Variants in ANGPT2 observed in about 807,000 individuals in gnomAD.
The protein encoded by ANGPT2 is angiopoietin 2.
Under a neutral mutation model 62.9 loss-of-function variants are expected in ANGPT2, and 28 were observed. The ratio of observed to expected loss-of-function variants is 0.44; its 90% CI spans 0.33 to 0.61. The LOEUF (loss-of-function observed/expected upper bound fraction) is 0.61, where lower values mean the gene tolerates loss of function less well. ANGPT2 is among the 20% of genes least tolerant of loss of function. The probability of loss-of-function intolerance (pLI) is 0.03; values close to 1 mark genes in which losing one functional copy is unlikely to be tolerated. For missense variants in ANGPT2, 727 were observed against 594.9 expected (o/e 1.22, Z -2.31); for synonymous variants, 284 against 207.8 (o/e 1.37, Z -3.15).
chr8:6,534,582 T>C lies in ANGPT2; in HGVS notation c.289-2095A>G, dbSNP rs538042749. On this transcript the variant is annotated intron_variant, in intron 1 of 8. Transcript: ENST00000629816. ...GCACATCTGGCTGAAGCCTTAGTTT[T>C]CCATATGAACCAAAACAGAGTAGAC... 3.3e-5 allele frequency among the ~76,000 whole-genome samples: 5 copies of C among 152,270 alleles called. No individual in the cohort carries two copies. In the East Asian group the frequency reaches 9.6e-4, roughly 29 times the overall value.
chr8:6,519,277 C>A (rs1425076624), intron 5 of ANGPT2, among the ~76,000 whole-genome samples: 1 of 152,148 alleles, frequency 6.6e-6, no homozygotes, highest in African/African-American at 2.4e-5. Flanking sequence ...GATGCTAAGA[C>A]ACCACCGGTC....
intron 1 of ANGPT2, among the ~76,000 whole-genome samples, chr8:6,534,008 G>A (rs1329117167): frequency 2.6e-5 from 4 of 151,880 alleles, no homozygotes; most frequent in African/African-American, 7.3e-5. Context: ...ATGCCCCCTC[G>A]CCATCGACTC....
intron 5 of ANGPT2, 22 bp from the exon 6 acceptor site, chr8:6,514,800 A>G (rs376772420): frequency 1.9e-5 from 31 of 1,600,152 alleles, no homozygotes; most frequent in African/African-American, 4.0e-5. Flanking sequence ...AATGCAGGGT[A>G]TAAGTGACAG....
At chr8:6,562,613 C>T (rs1351687040) in intron 1 of ANGPT2, 34 bp downstream of exon 1, 14 of 1,168,520 alleles carry the variant, frequency 1.2e-5, no homozygotes, top group Non-Finnish European at 1.6e-5. Context: ...ATCTTAATAG[C>T]ATGTTCACAA....
At chr8:6,518,911 G>T (rs948440600) in intron 5 of ANGPT2, among the ~76,000 whole-genome samples, 2 of 147,612 alleles carry the variant, frequency 1.4e-5, no homozygotes, top group African/African-American at 5.0e-5. Flanking sequence ...CTCCGGAAGG[G>T]TTTTTTTTTT....
Position 6,499,845 on chromosome 8 carries a change from C to G in ANGPT2, c.*3256G>C. 1 of 1,612,508 alleles carries G rather than the reference C, an allele frequency of 6.2e-7. No homozygotes were observed. Among genetic ancestry groups the G allele is most frequent in the Non-Finnish European group, 8.5e-7 (1 of 1,179,558 alleles). On this transcript the variant is annotated 3_prime_UTR_variant, in exon 9 of 9. Coordinates refer to ENST00000629816, the MANE Select transcript of ANGPT2 (RefSeq NM_001118887.2). ...TATAATAAATCTGCTTGTTGTGTCA[C>G]TTGCAGGTGCTATGGTCTTTAGAAT...
Position 6,513,860 on chromosome 8 carries a change from T to A in ANGPT2, c.1030-16A>T. 1.3e-6 allele frequency: 2 copies of A among 1,589,200 alleles called. No individual in the cohort carries two copies. Among genetic ancestry groups the A allele is most frequent in the African/African-American group, 1.4e-5 (1 of 73,570 alleles). On this transcript the variant is annotated splice_polypyrimidine_tract_variant and intron_variant, in intron 6 of 8. Transcript: ENST00000629816. Reference sequence around the variant, plus strand: ...TACCAAATCCCTGTAATGCAAGTTGTTAAATTCAATTATTTCATGTAATTT... The same window carrying A: ...TACCAAATCCCTGTAATGCAAGTTGATAAATTCAATTATTTCATGTAATTT...
rs780893595 is a variant in ANGPT2, at chr8:6,513,646, T to C, written c.1196+32A>G. 8.8e-6 allele frequency: 14 copies of C among 1,584,800 alleles called. 1 individual carries two copies. The South Asian group carries it at 1.4e-4, about 16-fold the overall frequency. On this transcript the variant is annotated intron_variant, in intron 7 of 8. Coordinates refer to ENST00000629816, the MANE Select transcript of ANGPT2 (RefSeq NM_001118887.2). ...CCGTGCCCGGCCACAAATCTTTTAA[T>C]TTTTTCTTTCAATTACCATGAACTC... is the stretch of plus-strand genomic sequence containing the variant.
At chr8:6,511,691 A>G (rs978513908) in intron 7 of ANGPT2, among the ~76,000 whole-genome samples, 4 of 152,166 alleles carry the variant, frequency 2.6e-5, no homozygotes, top group African/African-American at 9.7e-5. Flanking sequence ...TGTAATATCT[A>G]TTTTATCTTG....
At chr8:6,518,891 T>C (rs542439759) in intron 5 of ANGPT2, among the ~76,000 whole-genome samples, 2 of 152,306 alleles carry the variant, frequency 1.3e-5, no homozygotes, top group East Asian at 3.9e-4. Flanking sequence ...AGAAGCCACA[T>C]TGAAATATTC....
chr8:6,553,021 T>A (rs907384060), intron 1 of ANGPT2, among the ~76,000 whole-genome samples: 1 of 152,182 alleles, frequency 6.6e-6, no homozygotes, highest in African/African-American at 2.4e-5. Flanking sequence ...TGTGTGATGC[T>A]ACAATGGTGG....
At chr8:6,506,778 C>CTT (rs552063597) in intron 8 of ANGPT2, among the ~76,000 whole-genome samples, 4 of 128,088 alleles carry the variant, frequency 3.1e-5, no homozygotes, top group East Asian at 2.3e-4. Context: ...CAGAGGATTG[C>CTT]TTTTTTTTTT....
At chr8:6,527,406 C>T (rs761442617) in intron 3 of ANGPT2, 149 bp downstream of exon 3, 35 of 904,710 alleles carry the variant, frequency 3.9e-5, no homozygotes, top group African/African-American at 1.4e-4. Flanking sequence ...TTTCTCCAAG[C>T]CCTCTCCCTT....
At chr8:6,542,915 G>C (rs924012577) in intron 1 of ANGPT2, among the ~76,000 whole-genome samples, 6 of 152,190 alleles carry the variant, frequency 3.9e-5, no homozygotes, top group Admixed American at 3.3e-4. Context: ...TAATTTTCTA[G>C]AAGACATTTT....
chr8:6,537,047 G>C (rs1820631614), intron 1 of ANGPT2, among the ~76,000 whole-genome samples: 1 of 151,388 alleles, frequency 6.6e-6, no homozygotes, highest in Non-Finnish European at 1.5e-5. Flanking sequence ...CTTGCCTTTG[G>C]AGAATGTTTC....
chr8:6,509,461 C>T (rs765528713), intron 7 of ANGPT2, among the ~76,000 whole-genome samples: 1 of 152,142 alleles, frequency 6.6e-6, no homozygotes, highest in Non-Finnish European at 1.5e-5. Context: ...CATTATTTTC[C>T]GCAGGGGGCC....
At chr8:6,551,906 C>T (rs1012037180) in intron 1 of ANGPT2, among the ~76,000 whole-genome samples, 1 of 152,184 alleles carries the variant, frequency 6.6e-6, no homozygotes, top group African/African-American at 2.4e-5. Flanking sequence ...TAAGCTACAT[C>T]TGTATGTAAT....
At chr8:6,504,168 A>G in intron 8 of ANGPT2, among the ~76,000 whole-genome samples, 1 of 151,792 alleles carries the variant, frequency 6.6e-6, no homozygotes, top group East Asian at 1.9e-4. Context: ...AATACAAAAA[A>G]TTAGCCGGGC....
At chr8:6,517,943 C>T (rs1816587649) in intron 5 of ANGPT2, among the ~76,000 whole-genome samples, 1 of 152,210 alleles carries the variant, frequency 6.6e-6, no homozygotes, top group Non-Finnish European at 1.5e-5. Context: ...TTGTTCCCTG[C>T]TGTGTAAATG....
Sources: gnomAD v4.1 joint callset for allele counts (sites outside exome capture counted in the v4.1 genomes callset) on GRCh38, gnomAD v4.1.1 for gene constraint, MANE v1.5 for transcripts, NCBI Gene and HGNC (gene_info 2026-07-23, HGNC 2026-07-21) for gene names.